Variants in AUTS2 observed in about 807,000 individuals in gnomAD.
The protein encoded by AUTS2 is activator of transcription and developmental regulator AUTS2, also known as autism susceptibility gene 2 protein.
AUTS2 carries 17 observed loss-of-function variants against 112.4 expected under a neutral mutation model. The ratio of observed to expected loss-of-function variants is 0.15; its 90% CI spans 0.10 to 0.23. AUTS2 has a LOEUF of 0.23. Among genes scored for constraint, AUTS2 ranks in the 10% least tolerant of loss-of-function variants. AUTS2 has a pLI of 1.00. For missense variants in AUTS2, 1,510 were observed against 1,701.6 expected, an observed-to-expected ratio of 0.89 and a Z score of 1.98; for synonymous variants, 751 against 702.7, an observed-to-expected ratio of 1.07 and a Z score of -1.09.
At chr7:70,174,979 A>G (rs544707693) in intron 4 of AUTS2, among the ~76,000 whole-genome samples, 6 of 152,240 alleles carry the variant, frequency 3.9e-5, no homozygotes, top group East Asian at 1.9e-4. Context: ...TAAGAAATGC[A>G]TTTCATAAGG....
rs1376080076 is a variant in AUTS2 at position 70,714,233 on chromosome 7, G to A, written c.742+15613G>A. ...ACTCTAATTCAATATAGAAAATGTA[G>A]AAATGAACCCCCATATATACCCATT... On this transcript the variant is annotated intron_variant, in intron 6 of 18. Transcript: ENST00000342771. Among the ~76,000 whole-genome samples, 8 of 152,042 alleles carry A rather than the reference G, an allele frequency of 5.3e-5. 1 individual carries two copies. In the East Asian group the frequency reaches 1.5e-3, roughly 29 times the overall value.
intron 5 of AUTS2, among the ~76,000 whole-genome samples, chr7:70,595,404 GT>G (rs1278900815): frequency 6.6e-6 from 1 of 152,070 alleles, no homozygotes; most frequent in Non-Finnish European, 1.5e-5. Context: ...GAAACTTAAT[GT>G]TTAAGTGTCT....
intron 6 of AUTS2, among the ~76,000 whole-genome samples, chr7:70,759,743 T>C (rs1789438871): frequency 6.6e-6 from 1 of 152,160 alleles, no homozygotes; most frequent in South Asian, 2.1e-4. Flanking sequence ...ATCTGCAAGC[T>C]TGGCTGTGTT....
chr7:70,787,170 T>TTCTC (rs758007263), intron 17 of AUTS2, 39 bp from the exon 18 acceptor site: 11 of 1,599,804 alleles, frequency 6.9e-6, no homozygotes, highest in Middle Eastern at 3.3e-4. Flanking sequence ...ATTATATAAT[T>TTCTC]TCTCTTAAAC....
At chr7:70,376,296 A>G (rs557881094) in intron 4 of AUTS2, among the ~76,000 whole-genome samples, 2 of 152,278 alleles carry the variant, frequency 1.3e-5, no homozygotes, top group African/African-American at 4.8e-5. Flanking sequence ...TGGATTGGCA[A>G]ATTTCTTTAT....
intron 2 of AUTS2, among the ~76,000 whole-genome samples, chr7:70,010,241 G>A (rs942142554): frequency 3.9e-5 from 6 of 152,092 alleles, no homozygotes; most frequent in Non-Finnish European, 8.8e-5. Flanking sequence ...GACCTCCTGG[G>A]CTCAAGTGAT....
intron 4 of AUTS2, among the ~76,000 whole-genome samples, chr7:70,181,796 C>CTTT (rs35077931): frequency 1.8e-5 from 2 of 110,158 alleles, no homozygotes; most frequent in African/African-American, 3.6e-5. Context: ...GCTGAGCTAA[C>CTTT]TTTTTTTTTT....
intron 4 of AUTS2, among the ~76,000 whole-genome samples, chr7:70,167,517 C>A (rs1466914897): frequency 6.6e-6 from 1 of 152,148 alleles, no homozygotes; most frequent in East Asian, 1.9e-4. Context: ...CAAGTTAACA[C>A]AGATTAGGAA....
intron 1 of AUTS2, among the ~76,000 whole-genome samples, chr7:69,789,940 C>A (rs1285574972): frequency 7.3e-6 from 1 of 137,842 alleles, no homozygotes; most frequent in Non-Finnish European, 1.7e-5. Flanking sequence ...AAATAAATAT[C>A]TTTTTTTTCA....
chr7:70,170,079 T>G (rs909610110), intron 4 of AUTS2, among the ~76,000 whole-genome samples: 2 of 151,680 alleles, frequency 1.3e-5, no homozygotes, highest in Non-Finnish European at 2.9e-5. Flanking sequence ...TAATAGAGGT[T>G]TTTTTTTATT....
chr7:70,503,313 A>G (rs1798836965), intron 5 of AUTS2, among the ~76,000 whole-genome samples: 1 of 152,018 alleles, frequency 6.6e-6, no homozygotes, highest in Admixed American at 6.6e-5. Context: ...GTCTAATTAG[A>G]CTTACAAATT....
intron 2 of AUTS2, among the ~76,000 whole-genome samples, chr7:69,930,917 C>T (rs1292051748): frequency 6.6e-6 from 1 of 152,084 alleles, no homozygotes; most frequent in African/African-American, 2.4e-5. Context: ...TATCCCAGTG[C>T]CATCTTTAAG....
intron 4 of AUTS2, among the ~76,000 whole-genome samples, chr7:70,166,039 T>A (rs1003087821): frequency 3.3e-5 from 5 of 152,178 alleles, no homozygotes; most frequent in African/African-American, 1.2e-4. Context: ...TGCTCCCCTA[T>A]GGTAAGACGT....
At chr7:69,694,495 A>G (rs1489679915) in intron 1 of AUTS2, among the ~76,000 whole-genome samples, 13 of 152,180 alleles carry the variant, frequency 8.5e-5, no homozygotes, top group Admixed American at 2.6e-4. Flanking sequence ...GAAAAGCTCT[A>G]TGGCCAGCCA....
intron 1 of AUTS2, among the ~76,000 whole-genome samples, chr7:69,693,015 G>C (rs1326512571): frequency 6.6e-6 from 1 of 152,190 alleles, no homozygotes. Flanking sequence ...GCATTTTCAA[G>C]TGTTATGGTA....
At chr7:70,225,857 G>T (rs1811737622) in intron 4 of AUTS2, among the ~76,000 whole-genome samples, 1 of 152,078 alleles carries the variant, frequency 6.6e-6, no homozygotes. Context: ...TTCAAGATTT[G>T]TGTAGCTCCC....
At position 70,435,608 on chromosome 7, in the gene AUTS2, C is replaced by T. The variant is rs565836583; in HGVS notation, c.661-144C>T. 2.0e-5 allele frequency: 16 copies of T among 801,594 alleles called. No homozygotes were observed. The African/African-American group carries it at 2.2e-4, about 11-fold the overall frequency. 49.7% of individuals were successfully genotyped at this position (801,594 alleles called of 1,614,324 possible). A position where few individuals can be genotyped will look rare whatever the true frequency, so the allele number is the denominator to read the frequency against. Reference sequence around the variant, plus strand: ...TTTACTAGCACTTGAACTGGAGAAACTCTTTCTTTCCAGGAAGACAGCATT... The same window carrying T: ...TTTACTAGCACTTGAACTGGAGAAATTCTTTCTTTCCAGGAAGACAGCATT... On this transcript the variant is annotated intron_variant, in intron 4 of 18. Coordinates refer to ENST00000342771, the MANE Select transcript of AUTS2 (RefSeq NM_015570.4).
intron 4 of AUTS2, among the ~76,000 whole-genome samples, chr7:70,353,110 C>A (rs768641376): frequency 6.6e-6 from 1 of 152,156 alleles, no homozygotes; most frequent in Non-Finnish European, 1.5e-5. Flanking sequence ...TTCAAAACTG[C>A]TCAATATTTG....
At chr7:69,774,300 TGA>T (rs1788801789) in intron 1 of AUTS2, among the ~76,000 whole-genome samples, 1 of 152,170 alleles carries the variant, frequency 6.6e-6, no homozygotes, top group Non-Finnish European at 1.5e-5. Flanking sequence ...CTCAGGAGGC[TGA>T]GGTAGGAGGA....
Sources: allele counts gnomAD v4.1 joint callset (sites outside exome capture counted in the v4.1 genomes callset), GRCh38; gene constraint gnomAD v4.1.1; transcripts MANE v1.5; gene names NCBI Gene and HGNC (gene_info 2026-07-23, HGNC 2026-07-21).